The following GRID1 variants were observed in gnomAD, a reference collection of about 807,000 sequenced individuals.
GRID1 encodes the protein glutamate ionotropic receptor delta type subunit 1.
In GRID1, 28 loss-of-function variants were observed where a neutral mutation model predicts 98.0. That is an observed-to-expected ratio of 0.29 (90% CI 0.21 to 0.39). The LOEUF is 0.39. Among genes scored for constraint, GRID1 ranks in the 10% least tolerant of loss-of-function variants. The pLI, the probability that GRID1 is intolerant of heterozygous loss-of-function variation, is 1.00. For missense variants in GRID1, 1,111 were observed against 1,340.5 expected, an observed-to-expected ratio of 0.83 and a Z score of 2.67; for synonymous variants, 553 against 538.5, an observed-to-expected ratio of 1.03 and a Z score of -0.37.
intron 4 of GRID1, among the ~76,000 whole-genome samples, chr10:86,035,147 G>A (rs779422741): frequency 8.5e-5 from 13 of 152,164 alleles, no homozygotes; most frequent in Admixed American, 2.0e-4. Context: ...TCTCACTAGC[G>A]GCCTTGATTT....
Position 86,051,638 on chromosome 10 carries a change from C to A in GRID1, c.726+87181G>T, listed in dbSNP as rs113068936. 2.0e-5 allele frequency among the ~76,000 whole-genome samples: 3 copies of A among 151,918 alleles called. No individual in the cohort carries two copies. The South Asian group carries it at 6.2e-4, about 31-fold the overall frequency. On this transcript the variant is annotated intron_variant, in intron 4 of 15. Transcript: ENST00000327946. ...TAGAAAAATAGGCAAAGTACATGAACACATGTCTCGCAGAAAATGAAATAC... is the reference window on the plus strand; with the variant it reads ...TAGAAAAATAGGCAAAGTACATGAAAACATGTCTCGCAGAAAATGAAATAC...
At chr10:85,755,570 T>G (rs1017556989) in intron 8 of GRID1, among the ~76,000 whole-genome samples, 2 of 152,138 alleles carry the variant, frequency 1.3e-5, no homozygotes, top group South Asian at 4.1e-4. Flanking sequence ...TTCTGAAAGG[T>G]AAGAGCATCA....
At chr10:85,974,427 G>A (rs998234265) in intron 4 of GRID1, among the ~76,000 whole-genome samples, 9 of 152,204 alleles carry the variant, frequency 5.9e-5, no homozygotes, top group African/African-American at 2.2e-4. Flanking sequence ...AAGAACACAA[G>A]AAATGTCAGG....
intron 12 of GRID1, among the ~76,000 whole-genome samples, chr10:85,713,643 A>AC (rs927126980): frequency 4.0e-5 from 6 of 151,412 alleles, no homozygotes; most frequent in African/African-American, 9.7e-5. Context: ...AAAAAAAAAA[A>AC]AACATATCCC....
intron 3 of GRID1, among the ~76,000 whole-genome samples, chr10:86,154,072 G>A (rs1489440247): frequency 6.6e-6 from 1 of 152,164 alleles, no homozygotes; most frequent in Non-Finnish European, 1.5e-5. Flanking sequence ...CTTGGGCTCC[G>A]AGGAAGGTGC....
chr10:85,759,793 T>G (rs1041267638), intron 8 of GRID1, among the ~76,000 whole-genome samples: 2 of 152,232 alleles, frequency 1.3e-5, no homozygotes, highest in Non-Finnish European at 2.9e-5. Context: ...TTCAATTCTA[T>G]GTCTATAAAG....
chr10:86,303,657 C>G (rs1847720959), intron 2 of GRID1, among the ~76,000 whole-genome samples: 1 of 152,220 alleles, frequency 6.6e-6, no homozygotes, highest in African/African-American at 2.4e-5. Flanking sequence ...TCGCGTTGCC[C>G]CACATCACAC....
intron 4 of GRID1, among the ~76,000 whole-genome samples, chr10:85,935,673 A>C (rs1841916871): frequency 6.6e-6 from 1 of 152,230 alleles, no homozygotes; most frequent in Non-Finnish European, 1.5e-5. Context: ...TCTATATGCC[A>C]GGCACTGTAC....
intron 5 of GRID1, among the ~76,000 whole-genome samples, chr10:85,914,197 C>G (rs1230085885): frequency 6.6e-6 from 1 of 152,154 alleles, no homozygotes; most frequent in African/African-American, 2.4e-5. Flanking sequence ...GAGGGACAGA[C>G]AGGGGGCCCC....
intron 4 of GRID1, among the ~76,000 whole-genome samples, chr10:86,117,286 TCAC>T (rs1463773252): frequency 1.4e-5 from 2 of 139,026 alleles, no homozygotes; most frequent in African/African-American, 5.5e-5. Flanking sequence ...ACCAACACCA[TCAC>T]CACCATCACC....
At chr10:85,638,931 C>T (rs551146990) in intron 13 of GRID1, among the ~76,000 whole-genome samples, 57 of 152,268 alleles carry the variant, frequency 3.7e-4, no homozygotes, top group African/African-American at 1.3e-3. Flanking sequence ...ACTGGCAACA[C>T]TAATGCAGGA....
chr10:85,997,140 G>A (rs12767244), intron 4 of GRID1, among the ~76,000 whole-genome samples: 9,905 of 152,224 alleles, frequency 0.065, 390 homozygotes, highest in Non-Finnish European at 0.091. Flanking sequence ...GGTGGCTCAC[G>A]CCTGTAATCT....
At chr10:86,281,437 A>G (rs1376447395) in intron 2 of GRID1, among the ~76,000 whole-genome samples, 1 of 152,182 alleles carries the variant, frequency 6.6e-6, no homozygotes, top group Non-Finnish European at 1.5e-5. Context: ...GTCCTGGGCT[A>G]GAGGAAAACT....
At chr10:86,187,401 C>T (rs1221683938) in intron 3 of GRID1, among the ~76,000 whole-genome samples, 1 of 152,176 alleles carries the variant, frequency 6.6e-6, no homozygotes, top group South Asian at 2.1e-4. Context: ...GTTCATGCTA[C>T]CTAGAAAGGC....
chr10:86,042,010 C>T (rs1843352750), intron 4 of GRID1, among the ~76,000 whole-genome samples: 1 of 152,190 alleles, frequency 6.6e-6, no homozygotes, highest in African/African-American at 2.4e-5. Context: ...CCAATCAAAG[C>T]CAACCCTCTT....
At chr10:86,357,963 G>A (rs1848554986) in intron 2 of GRID1, among the ~76,000 whole-genome samples, 3 of 152,172 alleles carry the variant, frequency 2.0e-5, no homozygotes, top group South Asian at 4.1e-4. Flanking sequence ...AGGTTCTGAA[G>A]AACAACCTGC....
intron 15 of GRID1, among the ~76,000 whole-genome samples, chr10:85,611,424 C>T (rs1590158270): frequency 6.6e-6 from 1 of 152,308 alleles, no homozygotes. Context: ...CCCACCCTTG[C>T]CCACAGCTGC....
chr10:86,092,285 G>GA (rs1232058246), intron 4 of GRID1, among the ~76,000 whole-genome samples: 1 of 151,916 alleles, frequency 6.6e-6, no homozygotes, highest in Non-Finnish European at 1.5e-5. Context: ...TTAGCTTAAA[G>GA]AAAAAAAATT....
intron 13 of GRID1, among the ~76,000 whole-genome samples, chr10:85,626,153 A>G (rs73338992): frequency 0.016 from 2,420 of 152,326 alleles, 42 homozygotes; most frequent in East Asian, 0.049. Flanking sequence ...CAAGGCCTTC[A>G]GAAACCTGAT....
Sources: gnomAD v4.1 joint callset for allele counts (sites outside exome capture counted in the v4.1 genomes callset) on GRCh38, gnomAD v4.1.1 for gene constraint, MANE v1.5 for transcripts, NCBI Gene and HGNC (gene_info 2026-07-23, HGNC 2026-07-21) for gene names.